The following COL4A1 variants were observed in gnomAD, a reference collection of about 807,000 sequenced individuals.
COL4A1 encodes the protein collagen type IV alpha 1 chain.
In COL4A1, 40 loss-of-function variants were observed where a neutral mutation model predicts 216.6. The observed-to-expected ratio is 0.18, with a 90% CI of 0.14 to 0.24. The LOEUF is 0.24. COL4A1 is among the 10% of genes least tolerant of loss of function. The pLI is 1.00. For missense variants in COL4A1, 1,628 were observed against 2,196.8 expected, an observed-to-expected ratio of 0.74 and a Z score of 5.18; for synonymous variants, 839 against 810.7, an observed-to-expected ratio of 1.03 and a Z score of -0.59.
At chr13:110,280,747 T>C (rs1178635968) in intron 1 of COL4A1, among the ~76,000 whole-genome samples, 1 of 152,238 alleles carries the variant, frequency 6.6e-6, no homozygotes, top group Non-Finnish European at 1.5e-5. Flanking sequence ...TGAGAACTTG[T>C]AATCTTGCTA....
chr13:110,227,662 T>G (rs1054178786), intron 2 of COL4A1, among the ~76,000 whole-genome samples: 2 of 152,132 alleles, frequency 1.3e-5, no homozygotes, highest in Non-Finnish European at 2.9e-5. Context: ...GATTCCCAAA[T>G]ATACAATTGC....
chr13:110,270,532 C>T (rs1566433325), intron 1 of COL4A1, among the ~76,000 whole-genome samples: 3 of 152,202 alleles, frequency 2.0e-5, no homozygotes, highest in African/African-American at 4.8e-5. Flanking sequence ...CTCACAACAA[C>T]CATTGTAGGG....
In COL4A1 at chr13:110,173,603, A is replaced by G. The variant is rs996590297; in HGVS notation, c.3505+297T>C. Among the ~76,000 whole-genome samples, 5 of 152,170 alleles carry G rather than the reference A, an allele frequency of 3.3e-5. No homozygotes were observed. The East Asian group carries it at 9.6e-4, about 29-fold the overall frequency. On this transcript the variant is annotated intron_variant, in intron 40 of 51. Coordinates refer to ENST00000375820, the MANE Select transcript of COL4A1 (RefSeq NM_001845.6). The stretch of plus-strand genomic sequence containing the variant: ...GTTTTGTCATAGCAACCACAAGGGA[A>G]ATGGAAAGTGTTCTAACAGCAGGTA...
rs563232271 is a variant in COL4A1, at chr13:110,173,004, G to A, written c.3506-234C>T. On this transcript the variant is annotated intron_variant, in intron 40 of 51. Transcript: ENST00000375820. ...GTACCTTTCAGCTCAGAACCACCAC[G>A]GCATTTAGCACAAATGATCTGTGCA... Among the ~76,000 whole-genome samples the A allele has an allele frequency of 7.8e-4, 119 of 152,254 alleles. 2 individuals carry two copies. In the South Asian group the frequency reaches 0.023, roughly 29 times the overall value.
At chr13:110,153,402 T>G (rs1409975673) in intron 50 of COL4A1, among the ~76,000 whole-genome samples, 1 of 152,208 alleles carries the variant, frequency 6.6e-6, no homozygotes, top group African/African-American at 2.4e-5. Context: ...TGCTCCTGAT[T>G]TAGACAAATT....
intron 50 of COL4A1, among the ~76,000 whole-genome samples, chr13:110,154,947 C>T (rs1485010099): frequency 6.6e-6 from 1 of 152,252 alleles, no homozygotes; most frequent in African/African-American, 2.4e-5. Context: ...AGAAGCTGTT[C>T]ATATTGCTGG....
At chr13:110,229,757 A>G (rs1880929506) in intron 2 of COL4A1, among the ~76,000 whole-genome samples, 1 of 152,236 alleles carries the variant, frequency 6.6e-6, no homozygotes, top group Non-Finnish European at 1.5e-5. Flanking sequence ...TCCAGCCTCC[A>G]GCACGGGAGG....
chr13:110,248,457 C>T (rs1039184378), intron 1 of COL4A1, among the ~76,000 whole-genome samples: 3 of 152,210 alleles, frequency 2.0e-5, no homozygotes, highest in Non-Finnish European at 4.4e-5. Context: ...CGCACTGGTA[C>T]GTTGCTCCAA....
chr13:110,260,771 C>G (rs945537771), intron 1 of COL4A1, among the ~76,000 whole-genome samples: 2 of 152,134 alleles, frequency 1.3e-5, no homozygotes, highest in African/African-American at 4.8e-5. Context: ...CAAAGTGGGC[C>G]GGGCGCGGTG....
In COL4A1 at chr13:110,192,129, C is replaced by T. The variant is rs549391335; in HGVS notation, c.1536+85G>A. On this transcript the variant is annotated intron_variant, in intron 24 of 51. Transcript: ENST00000375820. ...GCTCCCACACAAGGCAGAAGCCATG[C>T]TTGCAAATGCAAAACGACACAACTC... The T allele has an allele frequency of 3.4e-5, 47 of 1,398,416 alleles. No homozygotes were observed. The South Asian group carries it at 5.1e-4, about 15-fold the overall frequency. 86.6% of individuals were successfully genotyped at this position (1,398,416 alleles called of 1,614,324 possible).
At chr13:110,295,778 C>T (rs111488402) in intron 1 of COL4A1, among the ~76,000 whole-genome samples, 3,774 of 152,312 alleles carry the variant, frequency 0.025, 150 homozygotes, top group African/African-American at 0.085. Flanking sequence ...AAAATATTTA[C>T]ATGCAAATAT....
intron 2 of COL4A1, among the ~76,000 whole-genome samples, chr13:110,219,808 G>GTATATA (rs1880331002): frequency 1.9e-5 from 2 of 105,518 alleles, no homozygotes; most frequent in African/African-American, 6.4e-5. Context: ...ATGTATATAT[G>GTATATA]TGTATATATG....
intron 26 of COL4A1, among the ~76,000 whole-genome samples, chr13:110,183,841 G>A (rs963508901): frequency 5.9e-5 from 9 of 152,212 alleles, no homozygotes; most frequent in Non-Finnish European, 1.3e-4. Flanking sequence ...AGGAAGCACA[G>A]CCCCGGCCCT....
Position 110,186,506 on chromosome 13 carries a change from T to C in COL4A1, c.1776A>G (p.Gly592=), listed in dbSNP as rs534584604. 1 of 1,613,904 alleles carries C rather than the reference T, an allele frequency of 6.2e-7. No homozygotes were observed. The highest frequency in any genetic ancestry group is 1.3e-5 in the African/African-American group (1 of 75,036). Residue 592 remains glycine (G), a synonymous_variant, in exon 26 of 52, where the codon GGA becomes GGG. Transcript: ENST00000375820. ...KGERGPPGGV[G]FPGSRGDTGP... is the part of the protein sequence containing the mutation. ...CGGTGTCACCACGACTGCCTGGGAA[T>C]CCAACTCCTCCAGGGGGGCCACGCT...
chr13:110,187,248 T>C lies in COL4A1; in HGVS notation c.1618A>G (p.Lys540Glu), dbSNP rs1878444055. The change falls in exon 25 of 52, where the codon AAA becomes GAA. Residue 540 changes from lysine (K) to glutamate (E), a missense_variant. Around this residue, in one of 8 missense-constraint regions of COL4A1, gnomAD observed 701 missense variants for 892.5 expected, o/e 0.79. Transcript: ENST00000375820. Reference protein sequence around the residue: ...PGEFYFDLRLKGDKGDPGFPG... With the variant: ...PGEFYFDLRLEGDKGDPGFPG... ...AAGCCTGGGTCTCCTTTGTCACCTTTGAGCCGCAAGTCGAAATAAAACTCA... is the reference window on the plus strand; with the variant it reads ...AAGCCTGGGTCTCCTTTGTCACCTTCGAGCCGCAAGTCGAAATAAAACTCA... 1 of 1,613,906 alleles carries C rather than the reference T, an allele frequency of 6.2e-7. No homozygotes were observed. The highest frequency in any genetic ancestry group is 8.5e-7 in the Non-Finnish European group (1 of 1,179,924).
At position 110,290,512 on chromosome 13, in the gene COL4A1, C is replaced by T. The variant is rs1279808754; in HGVS notation, c.84+16432G>A. 3.3e-5 allele frequency among the ~76,000 whole-genome samples: 5 copies of T among 152,100 alleles called. No homozygotes were observed. In the South Asian group the frequency reaches 6.2e-4, roughly 19 times the overall value. On this transcript the variant is annotated intron_variant, in intron 1 of 51. Coordinates refer to ENST00000375820, the MANE Select transcript of COL4A1 (RefSeq NM_001845.6). ...ATAGCATTCCTTCCACAGGCTCCTC[C>T]GGCTTCCTCGATCCTTCCTTCCCTT...
Position 110,206,908 on chromosome 13 carries a change from G to A in COL4A1, c.781-17C>T. The A allele has an allele frequency of 6.2e-7, 1 of 1,613,300 alleles. No individual in the cohort carries two copies. Among genetic ancestry groups the A allele is most frequent in the Non-Finnish European group, 8.5e-7 (1 of 1,179,836 alleles). ...TTTTTGGCCCTGAAAGAATTCGAGA[G>A]ACAGATCAGCACTATCAAACAGCTG... On this transcript the variant is annotated splice_polypyrimidine_tract_variant and intron_variant, in intron 13 of 51. Transcript: ENST00000375820.
intron 17 of COL4A1, among the ~76,000 whole-genome samples, chr13:110,204,391 T>C (rs1879391515): frequency 6.6e-6 from 1 of 152,188 alleles, no homozygotes; most frequent in Admixed American, 6.5e-5. Flanking sequence ...ATATCTACCA[T>C]TTAAAATGTA....
In COL4A1 at chr13:110,175,415, T is replaced by C. The variant is rs1566350587; in HGVS notation, c.3059-58A>G. 2.5e-6 allele frequency: 4 copies of C among 1,607,850 alleles called. No homozygotes were observed. The South Asian group carries it at 3.3e-5, about 13-fold the overall frequency. The stretch of plus-strand genomic sequence containing the variant: ...GCTTAGCTAGTGCTGGTATTACAAA[T>C]GAAAAAGTGCCTCCACAGCCAGCCA... On this transcript the variant is annotated intron_variant, in intron 36 of 51. Coordinates refer to ENST00000375820, the MANE Select transcript of COL4A1 (RefSeq NM_001845.6).
Sources: gnomAD v4.1 joint callset for allele counts (sites outside exome capture counted in the v4.1 genomes callset) on GRCh38, gnomAD v4.1.1 for gene constraint, gnomAD v4.1.1 regional missense constraint, MANE v1.5 for transcripts, NCBI Gene and HGNC (gene_info 2026-07-23, HGNC 2026-07-21) for gene names.